The following MINK1 variants were observed in gnomAD, a reference collection of about 807,000 sequenced individuals.
MINK1 encodes the protein misshapen-like kinase 1.
Under a neutral mutation model 178.4 loss-of-function variants are expected in MINK1, and 46 were observed. That is an observed-to-expected ratio of 0.26 (90% CI 0.20 to 0.33). MINK1 has a LOEUF of 0.33. Ranked by LOEUF, MINK1 falls within the 10% of genes least tolerant of loss-of-function variation. The probability of loss-of-function intolerance (pLI) is 1.00; values close to 1 mark genes in which losing one functional copy is unlikely to be tolerated. For missense variants in MINK1, 1,366 were observed against 1,814.9 expected (o/e 0.75, Z 4.49); for synonymous variants, 797 against 709.7 (o/e 1.12, Z -1.96).
chr17:4,839,533 G>A (rs944102684), intron 1 of MINK1, among the ~76,000 whole-genome samples: 9 of 152,178 alleles, frequency 5.9e-5, no homozygotes, highest in Admixed American at 1.3e-4. Context: ...ATACAAAAAC[G>A]TGACTTGGTA....
chr17:4,894,290 C>T lies in MINK1; in HGVS notation c.2787C>T (p.Pro929=). 1 of 1,612,848 alleles carries T rather than the reference C, an allele frequency of 6.2e-7. No individual in the cohort carries two copies. The highest frequency in any genetic ancestry group is 8.5e-7 in the Non-Finnish European group (1 of 1,179,724). ...AGAACAGCAAAGGCCAAAGCCCACC[C>T]TCGAAGGATGGGAGTGGTGACGTAA... is the stretch of plus-strand genomic sequence containing the variant. ...PTENSKGQSP[P]SKDGSGDYQS... The change falls in exon 23 of 32, where the codon CCC becomes CCT. Residue 929 remains proline, a synonymous_variant. Transcript: ENST00000355280. This position sits in a 1 kb window ranked among gnomAD's most constrained non-coding sequence, Gnocchi z 4.1.
rs1348992971 is a variant in MINK1 at position 4,889,714 on chromosome 17, T to C, written c.1298T>C (p.Met433Thr). 6.4e-7 allele frequency: 1 copy of C among 1,554,288 alleles called. No individual in the cohort carries two copies. The highest frequency in any genetic ancestry group is 1.2e-5 in the South Asian group (1 of 84,694). Residue 433 changes from methionine to threonine, a missense_variant, in exon 13 of 32, where the codon ATG (methionine) becomes ACG (threonine). Coordinates refer to ENST00000355280, the MANE Select transcript of MINK1 (RefSeq NM_153827.5). ...EKEQQRRLED[M>T]QALRREEERR... The stretch of plus-strand genomic sequence containing the variant: ...GAGCAGCAGCGGCGGCTGGAGGACA[T>C]GCAGGCTCTGCGGCGGGAGGAGGAG...
Position 4,891,679 on chromosome 17 carries a change from C to G in MINK1, c.1964C>G (p.Pro655Arg). ...SEGPGPSPNP[P>R]AWVRPDNEAP... ...GGACCTGGCCCCAGCCCGAATCCCC[C>G]AGCCTGGGTCCGCCCAGATAACGAG... Residue 655 changes from proline to arginine, a missense_variant, in exon 16 of 32, where the codon CCA (proline) becomes CGA (arginine). Transcript: ENST00000355280. 6.2e-7 allele frequency: 1 copy of G among 1,602,104 alleles called. No homozygotes were observed.
At chr17:4,873,086 T>C (rs1916048371) in intron 1 of MINK1, among the ~76,000 whole-genome samples, 1 of 152,152 alleles carries the variant, frequency 6.6e-6, no homozygotes, top group East Asian at 1.9e-4. Context: ...TCTGCCGCAT[T>C]CGAGGCCATC....
chr17:4,867,322 C>A (rs1322621362), intron 1 of MINK1, among the ~76,000 whole-genome samples: 1 of 149,070 alleles, frequency 6.7e-6, no homozygotes, highest in Admixed American at 6.7e-5. Context: ...GCCACCATGC[C>A]CTACCTCTTA....
chr17:4,837,648 T>C (rs775201538), intron 1 of MINK1, among the ~76,000 whole-genome samples: 5 of 152,218 alleles, frequency 3.3e-5, no homozygotes, highest in Non-Finnish European at 5.9e-5. Flanking sequence ...TGGAAGTGGA[T>C]GGGACAAGGA....
At chr17:4,893,341 C>T in intron 20 of MINK1, 93 bp from the exon 21 acceptor site, 1 of 1,613,362 alleles carries the variant, frequency 6.2e-7, no homozygotes, top group Middle Eastern at 1.7e-4. Context: ...GTGGGAGCCC[C>T]TCCTGTCGCC....
At chr17:4,889,413 C>G (rs145907581) in intron 12 of MINK1, among the ~76,000 whole-genome samples, 15 of 152,098 alleles carry the variant, frequency 9.9e-5, no homozygotes, top group Non-Finnish European at 1.9e-4. Context: ...TAAGCCCACC[C>G]CACAGGCAGC....
chr17:4,889,622 TA>T (rs1330877469), intron 12 of MINK1, 24 bp from the exon 13 acceptor site: 4 of 1,559,818 alleles, frequency 2.6e-6, no homozygotes, highest in Non-Finnish European at 3.5e-6. Context: ...GTATGGTTCT[TA>T]AGACCACCTG....
chr17:4,839,179 GTA>G (rs1567552542), intron 1 of MINK1, among the ~76,000 whole-genome samples: 14 of 152,138 alleles, frequency 9.2e-5, no homozygotes, highest in Non-Finnish European at 1.6e-4. Context: ...TCCTGACCTT[GTA>G]ATCTGCCCGC....
At chr17:4,875,152 A>G in intron 1 of MINK1, 1 of 519,978 alleles carries the variant, frequency 1.9e-6, no homozygotes, top group Non-Finnish European at 3.8e-6. Context: ...CTCTGTAGGG[A>G]ACTCTATGGT....
In MINK1 at chr17:4,896,353, C is replaced by T. The variant is rs201871706; in HGVS notation, c.3615+11C>T. 428 of 1,599,884 alleles carry T rather than the reference C, an allele frequency of 2.7e-4. No homozygotes were observed. The African/African-American group carries it at 4.0e-3, about 15-fold the overall frequency. ...TACATCCCTGTGCACGTGAGCTTGG[C>T]GGGGCTGCTGGGGGAGTGGGATGGC... On this transcript the variant is annotated intron_variant, in intron 29 of 31. Transcript: ENST00000355280. The surrounding 1 kb of genome is among the most constrained non-coding windows in gnomAD (Gnocchi z 4.6).
chr17:4,871,948 A>G (rs1354190823), intron 1 of MINK1, among the ~76,000 whole-genome samples: 1 of 152,130 alleles, frequency 6.6e-6, no homozygotes, highest in Non-Finnish European at 1.5e-5. Context: ...CTGGACTTAT[A>G]GGATCCTCCT....
chr17:4,883,813 C>T (rs901818016), intron 4 of MINK1, among the ~76,000 whole-genome samples: 1 of 150,876 alleles, frequency 6.6e-6, no homozygotes, highest in Non-Finnish European at 1.5e-5. Context: ...GCTGGGATTA[C>T]AGGAGTGAGC....
chr17:4,857,299 G>A (rs1913312633), intron 1 of MINK1: 3 of 190,946 alleles, frequency 1.6e-5, no homozygotes, highest in Non-Finnish European at 3.4e-5. Context: ...GCAGCACCCA[G>A]GCCACTGGAG....
rs904053319 is a variant in MINK1, at chr17:4,892,536, A to G, written c.2198+24A>G. 98 of 1,532,140 alleles carry G rather than the reference A, an allele frequency of 6.4e-5. No individual in the cohort carries two copies. The Admixed American group carries it at 1.8e-3, about 27-fold the overall frequency. 94.9% of individuals were successfully genotyped at this position (1,532,140 alleles called of 1,614,324 possible). On this transcript the variant is annotated intron_variant, in intron 18 of 31. Coordinates refer to ENST00000355280, the MANE Select transcript of MINK1 (RefSeq NM_153827.5). The stretch of plus-strand genomic sequence containing the variant: ...AGGTAATAGAGTTGTCCCCCAACTC[A>G]CTCTCACCTCTCACTTCTGCCACCC...
At chr17:4,875,800 T>A in intron 1 of MINK1, among the ~76,000 whole-genome samples, 1 of 151,728 alleles carries the variant, frequency 6.6e-6, no homozygotes, top group East Asian at 2.0e-4. Flanking sequence ...TGTTAGGTTT[T>A]TTTTCCCCCC....
chr17:4,885,439 A>T lies in MINK1; in HGVS notation c.509-44A>T, dbSNP rs750953757. On this transcript the variant is annotated intron_variant, in intron 6 of 31. Transcript: ENST00000355280. The surrounding 1 kb of genome is among the most constrained non-coding windows in gnomAD (Gnocchi z 5.0). ...ACGCAGGGATGTGAGGCAAGGGAGC[A>T]GAGGTGACTCCCCACACTGACCCCT... 5.0e-6 allele frequency: 8 copies of T among 1,606,670 alleles called. No homozygotes were observed. The highest frequency in any genetic ancestry group is 6.8e-6 in the Non-Finnish European group (8 of 1,175,848).
chr17:4,839,347 G>C (rs1462610747), intron 1 of MINK1, among the ~76,000 whole-genome samples: 1 of 152,142 alleles, frequency 6.6e-6, no homozygotes, highest in Non-Finnish European at 1.5e-5. Context: ...CTCATTTTCT[G>C]TGGTCAGTGG....
Sources: gnomAD v4.1 joint callset for allele counts (sites outside exome capture counted in the v4.1 genomes callset) on GRCh38, gnomAD v4.1.1 for gene constraint, Gnocchi (gnomAD v3.1) non-coding constraint, MANE v1.5 for transcripts, NCBI Gene and HGNC (gene_info 2026-07-23, HGNC 2026-07-21) for gene names.